CSMD1: variants seen among roughly 807,000 people sequenced by gnomAD.
CSMD1 encodes the protein CUB and Sushi multiple domains 1, also known as CUB and sushi domain-containing protein 1.
Under a neutral mutation model 417.5 loss-of-function variants are expected in CSMD1, and 213 were observed. The observed-to-expected ratio is 0.51, with a 90% CI of 0.46 to 0.57. CSMD1 has a LOEUF of 0.57. Ranked by LOEUF, CSMD1 falls within the 20% of genes least tolerant of loss-of-function variation. CSMD1 has a pLI of 0.00. For synonymous variants in CSMD1, 2,862 were observed against 1,736.8 expected (o/e 1.65, Z -16.11); for missense variants, 6,923 against 4,529.7 (o/e 1.53, Z -15.17).
At position 4,356,267 on chromosome 8, in the gene CSMD1, A is replaced by C. The variant is rs1179281379; in HGVS notation, c.415+63686T>G. On this transcript the variant is annotated intron_variant, in intron 3 of 69. Transcript: ENST00000635120. ...AATTGTCTCCAATCTCATCCCGGTC[A>C]CTGCAAATGCTGTTCATTCATTCAT... 3.9e-5 allele frequency among the ~76,000 whole-genome samples: 6 copies of C among 152,206 alleles called. No homozygotes were observed. The South Asian group carries it at 1.2e-3, about 32-fold the overall frequency.
intron 17 of CSMD1, among the ~76,000 whole-genome samples, chr8:3,393,925 A>C (rs1049885544): frequency 6.8e-6 from 1 of 148,134 alleles, no homozygotes; most frequent in African/African-American, 2.5e-5. Context: ...CCAACATGGC[A>C]CATGTATACA....
chr8:3,487,681 T>A (rs181506129), intron 11 of CSMD1, among the ~76,000 whole-genome samples: 1 of 152,190 alleles, frequency 6.6e-6, no homozygotes, highest in Non-Finnish European at 1.5e-5. Context: ...TCAAAGGAGG[T>A]GCCTACAAAC....
intron 27 of CSMD1, among the ~76,000 whole-genome samples, chr8:3,226,762 G>T (rs1467601640): frequency 1.3e-5 from 2 of 152,002 alleles, no homozygotes; most frequent in African/African-American, 4.8e-5. Context: ...AGCAATGGCA[G>T]GTGTTGAAAA....
At chr8:3,996,891 A>C (rs1815263248) in intron 5 of CSMD1, among the ~76,000 whole-genome samples, 1 of 152,224 alleles carries the variant, frequency 6.6e-6, no homozygotes, top group Non-Finnish European at 1.5e-5. Flanking sequence ...AATCGGTTTA[A>C]AACAGGTGCT....
chr8:3,179,911 T>G (rs1449710541), intron 37 of CSMD1, among the ~76,000 whole-genome samples: 1 of 152,222 alleles, frequency 6.6e-6, no homozygotes, highest in Non-Finnish European at 1.5e-5. Context: ...CAGGAAAATT[T>G]AACCAGAATG....
intron 3 of CSMD1, among the ~76,000 whole-genome samples, chr8:4,082,984 T>A (rs1031709646): frequency 6.6e-6 from 1 of 152,062 alleles, no homozygotes; most frequent in African/African-American, 2.4e-5. Context: ...ATGGTGTATA[T>A]GTGCCACATT....
intron 5 of CSMD1, among the ~76,000 whole-genome samples, chr8:3,947,742 T>A (rs1447854608): frequency 6.6e-6 from 1 of 152,216 alleles, no homozygotes; most frequent in Non-Finnish European, 1.5e-5. Flanking sequence ...GAATATAGTT[T>A]ATCTTAGTGA....
intron 3 of CSMD1, among the ~76,000 whole-genome samples, chr8:4,239,880 C>G (rs1376646550): frequency 6.6e-6 from 1 of 152,186 alleles, no homozygotes; most frequent in African/African-American, 2.4e-5. Context: ...TATCCTTATC[C>G]TTTGCAGCAT....
At chr8:4,045,583 G>A (rs2740899) in intron 3 of CSMD1, among the ~76,000 whole-genome samples, 82,491 of 151,962 alleles carry the variant, frequency 0.54, 23,214 homozygotes, top group Non-Finnish European at 0.62. Context: ...GCTTTAGAAT[G>A]AAAGAAACTC....
intron 3 of CSMD1, among the ~76,000 whole-genome samples, chr8:4,251,476 G>A (rs555758944): frequency 5.3e-5 from 8 of 152,216 alleles, no homozygotes; most frequent in Middle Eastern, 3.4e-3. Flanking sequence ...AGTGTTGTAG[G>A]AGCACATATT....
At chr8:3,199,197 G>T (rs1382191743) in intron 33 of CSMD1, among the ~76,000 whole-genome samples, 1 of 152,102 alleles carries the variant, frequency 6.6e-6, no homozygotes, top group Non-Finnish European at 1.5e-5. Context: ...AGTACCCAAA[G>T]TTAATAAAAC....
At chr8:3,784,013 G>A (rs1031462445) in intron 5 of CSMD1, among the ~76,000 whole-genome samples, 5 of 152,184 alleles carry the variant, frequency 3.3e-5, no homozygotes, top group Non-Finnish European at 7.3e-5. Flanking sequence ...TTTGCAAAAT[G>A]TTTATCATCG....
At chr8:4,576,583 G>A (rs1799146983) in intron 2 of CSMD1, among the ~76,000 whole-genome samples, 2 of 152,092 alleles carry the variant, frequency 1.3e-5, no homozygotes. Context: ...GTGGCGTTGG[G>A]TTATTGTCCA....
intron 5 of CSMD1, among the ~76,000 whole-genome samples, chr8:3,791,733 G>T (rs1465440492): frequency 2.0e-5 from 3 of 152,142 alleles, no homozygotes; most frequent in Non-Finnish European, 4.4e-5. Context: ...TGAAGCAAGA[G>T]AATCGCTTGA....
chr8:3,464,357 T>G (rs1351706601), intron 12 of CSMD1, among the ~76,000 whole-genome samples: 2 of 152,176 alleles, frequency 1.3e-5, no homozygotes, highest in Admixed American at 1.3e-4. Flanking sequence ...AACTTCCTCA[T>G]GGCTAGAAGC....
At position 2,936,175 on chromosome 8, in the gene CSMD1, T is replaced by G. The variant is rs1411484470; in HGVS notation, c.*2410A>C. 6.6e-6 allele frequency: 1 copy of G among 152,112 alleles called. No homozygotes were observed. Among genetic ancestry groups the G allele is most frequent in the East Asian group, 1.9e-4 (1 of 5,180 alleles). 9.4% of individuals were successfully genotyped at this position (152,112 alleles called of 1,614,324 possible). A position where few individuals can be genotyped will look rare whatever the true frequency, so the allele number is the denominator to read the frequency against. On this transcript the variant is annotated 3_prime_UTR_variant, in exon 70 of 70. Transcript: ENST00000635120. ...TCAAACTGGCAACCCTAGGACAGTT[T>G]GACTTTGCACACAAAGGAAAATCAT...
intron 41 of CSMD1, among the ~76,000 whole-genome samples, chr8:3,126,427 T>C (rs535883585): frequency 4.6e-4 from 70 of 152,274 alleles, no homozygotes; most frequent in African/African-American, 1.6e-3. Flanking sequence ...GAAAAGGGCA[T>C]TGCTACAGAG....
rs34435021 is a variant in CSMD1, at chr8:4,310,703, G to A, written c.415+109250C>T. Among the ~76,000 whole-genome samples the A allele has an allele frequency of 7.7e-3, 1,173 of 152,204 alleles. 16 individuals carry two copies. The highest frequency in any genetic ancestry group is 9.5e-3 in the Non-Finnish European group (646 of 68,016). On this transcript the variant is annotated intron_variant, in intron 3 of 69. Transcript: ENST00000635120. ...CAAAGACACAACAACCATAGAACCTGCAAGACACGCAAGCATTGTATACCA... is the reference window on the plus strand; with the variant it reads ...CAAAGACACAACAACCATAGAACCTACAAGACACGCAAGCATTGTATACCA...
At chr8:4,897,566 T>C (rs7000541) in intron 1 of CSMD1, among the ~76,000 whole-genome samples, 57,054 of 151,888 alleles carry the variant, frequency 0.38, 10,953 homozygotes, top group East Asian at 0.49. Flanking sequence ...GATTGCAATT[T>C]GTTACTCCGT....
Sources: allele counts gnomAD v4.1 joint callset (sites outside exome capture counted in the v4.1 genomes callset), GRCh38; gene constraint gnomAD v4.1.1; transcripts MANE v1.5; gene names NCBI Gene and HGNC (gene_info 2026-07-23, HGNC 2026-07-21).